TANC1: variants seen among roughly 807,000 people sequenced by gnomAD.
The protein encoded by TANC1 is tetratricopeptide repeat, ankyrin repeat and coiled-coil containing 1.
A neutral mutation model predicts 149.7 loss-of-function variants in TANC1; 77 were observed. That is an observed-to-expected ratio of 0.51 (90% CI 0.43 to 0.62). The LOEUF is 0.62. TANC1 is among the 20% of genes least tolerant of loss of function. The probability of loss-of-function intolerance (pLI) is 0.00; values close to 1 mark genes in which losing one functional copy is unlikely to be tolerated. For synonymous variants in TANC1, 854 were observed against 925.0 expected, an observed-to-expected ratio of 0.92 and a Z score of 1.39; for missense variants, 1,985 against 2,321.8, an observed-to-expected ratio of 0.85 and a Z score of 2.98.
At chr2:159,157,541 C>T (rs140180082) in intron 7 of TANC1, among the ~76,000 whole-genome samples, 60 of 152,288 alleles carry the variant, frequency 3.9e-4, no homozygotes, top group Non-Finnish European at 5.0e-4. Context: ...GACTTCTGCG[C>T]GCGTTGCCTT....
chr2:159,004,182 C>G, intron 2 of TANC1: 1 of 1,612,634 alleles, frequency 6.2e-7, no homozygotes, highest in Non-Finnish European at 8.5e-7. Context: ...TTTAACAAGC[C>G]TTAGGAAGTT....
At chr2:159,025,976 C>A (rs1052372560) in intron 2 of TANC1, among the ~76,000 whole-genome samples, 1 of 152,150 alleles carries the variant, frequency 6.6e-6, no homozygotes, top group Non-Finnish European at 1.5e-5. Flanking sequence ...ACTCTATCGC[C>A]CAGGCTGGAG....
intron 3 of TANC1, among the ~76,000 whole-genome samples, chr2:159,066,868 A>G (rs1167696041): frequency 6.6e-6 from 1 of 152,236 alleles, no homozygotes; most frequent in Non-Finnish European, 1.5e-5. Context: ...TTCTAGGATT[A>G]TTTTGGTGAA....
At chr2:159,025,697 C>T (rs79830363) in intron 2 of TANC1, among the ~76,000 whole-genome samples, 1 of 152,008 alleles carries the variant, frequency 6.6e-6, no homozygotes, top group Non-Finnish European at 1.5e-5. Flanking sequence ...TACTATAATA[C>T]CATATTTTTA....
chr2:159,137,348 T>C (rs1203960177), intron 5 of TANC1, among the ~76,000 whole-genome samples: 1 of 152,042 alleles, frequency 6.6e-6, no homozygotes, highest in Non-Finnish European at 1.5e-5. Context: ...CAGCAAAAGC[T>C]GAAAACTGGG....
chr2:159,037,309 G>A (rs1266173452), intron 2 of TANC1, among the ~76,000 whole-genome samples: 8 of 152,142 alleles, frequency 5.3e-5, no homozygotes, highest in Admixed American at 5.2e-4. Flanking sequence ...CATTCTGTAG[G>A]TTGCCAGTTC....
At chr2:159,089,287 C>T (rs2045288274) in intron 3 of TANC1, among the ~76,000 whole-genome samples, 1 of 152,082 alleles carries the variant, frequency 6.6e-6, no homozygotes, top group South Asian at 2.1e-4. Flanking sequence ...TTTTTTTGCA[C>T]TTGTGAGTTT....
chr2:159,042,284 A>G (rs1343661054), intron 2 of TANC1, among the ~76,000 whole-genome samples: 1 of 152,206 alleles, frequency 6.6e-6, no homozygotes, highest in Admixed American at 6.5e-5. Flanking sequence ...GTGACTGCAC[A>G]TGATCCCGTT....
Position 159,168,801 on chromosome 2 carries a change from C to T in TANC1, c.947-449C>T, listed in dbSNP as rs554265039. ...GAGCCAACTTTTAGTGTTCTCGGTG[C>T]TGTGGAATTGTACACATAGAATCTG... On this transcript the variant is annotated intron_variant, in intron 8 of 26. Transcript: ENST00000263635. Among the ~76,000 whole-genome samples, 106 of 152,090 alleles carry T rather than the reference C, an allele frequency of 7.0e-4. 1 individual carries two copies. Among genetic ancestry groups the T allele is most frequent in the African/African-American group, 2.5e-3 (104 of 41,470 alleles).
chr2:159,022,745 T>C (rs1198262043), intron 2 of TANC1, among the ~76,000 whole-genome samples: 1 of 151,604 alleles, frequency 6.6e-6, no homozygotes, highest in Non-Finnish European at 1.5e-5. Context: ...TTTTGAAAAA[T>C]AACATAAAAA....
In TANC1 at chr2:159,172,184, C is replaced by G; in HGVS notation, c.1415C>G (p.Ala472Gly). The G allele has an allele frequency of 1.2e-6, 2 of 1,614,238 alleles. No individual in the cohort carries two copies. The highest frequency in any genetic ancestry group is 1.7e-6 in the Non-Finnish European group (2 of 1,180,036). The stretch of plus-strand genomic sequence containing the variant: ...CTTTCACCGAGTTCTTCCACAAGTG[C>G]TTCCAGCACAGCTAAAACACCTCTT... ...PLLSPSSSTS[A>G]SSTAKTPLGS... Residue 472 changes from alanine to glycine, a missense_variant, in exon 11 of 27, where the codon GCT becomes GGT. Physicochemically the swap from Ala to Gly is moderately conservative, Grantham distance 60. Transcript: ENST00000263635.
intron 15 of TANC1, among the ~76,000 whole-genome samples, chr2:159,186,267 G>T (rs1009631146): frequency 1.3e-5 from 2 of 151,920 alleles, no homozygotes; most frequent in Admixed American, 1.3e-4. Flanking sequence ...GTGTGATTTT[G>T]TACCACCTGG....
At chr2:159,057,612 T>C (rs558668978) in intron 2 of TANC1, among the ~76,000 whole-genome samples, 2 of 152,348 alleles carry the variant, frequency 1.3e-5, no homozygotes, top group African/African-American at 4.8e-5. Context: ...TAACAGTCTG[T>C]TTTTAGGTAC....
At chr2:158,988,551 TC>T (rs928543917) in intron 1 of TANC1, among the ~76,000 whole-genome samples, 8 of 152,130 alleles carry the variant, frequency 5.3e-5, no homozygotes, top group African/African-American at 1.7e-4. Context: ...CGTTACTACT[TC>T]CTGTTGCAAT....
intron 5 of TANC1, among the ~76,000 whole-genome samples, chr2:159,145,668 G>C (rs1308390026): frequency 2.0e-5 from 3 of 152,194 alleles, no homozygotes; most frequent in Admixed American, 1.3e-4. Flanking sequence ...TGGTCCACAA[G>C]GGGGTGAGAA....
At chr2:159,107,302 C>G (rs938181803) in intron 4 of TANC1, among the ~76,000 whole-genome samples, 2 of 152,162 alleles carry the variant, frequency 1.3e-5, no homozygotes, top group African/African-American at 4.8e-5. Flanking sequence ...GCTGGGATTA[C>G]AGGCGTGAGC....
rs141339364 is a variant in TANC1, at chr2:159,065,702, T to C, written c.-15-194T>C. Among the ~76,000 whole-genome samples the C allele has an allele frequency of 2.2e-3, 328 of 152,160 alleles. 2 individuals carry two copies. The highest frequency in any genetic ancestry group is 7.2e-3 in the African/African-American group (301 of 41,542). On this transcript the variant is annotated intron_variant, in intron 2 of 26. Transcript: ENST00000263635. ...CTTCTGAGCACTTCATTAAAAGTTA[T>C]AGAACATTCCTTGTGTCTTCAGCAT...
At chr2:159,040,174 C>T (rs1292021044) in intron 2 of TANC1, among the ~76,000 whole-genome samples, 5 of 151,638 alleles carry the variant, frequency 3.3e-5, no homozygotes, top group Non-Finnish European at 7.4e-5. Flanking sequence ...GGATTGCAAC[C>T]CCTGCTTTTT....
intron 3 of TANC1, among the ~76,000 whole-genome samples, chr2:159,069,765 CTTTTTTTTTTTT>C (rs67843631): frequency 9.1e-6 from 1 of 109,366 alleles, no homozygotes; most frequent in Non-Finnish European, 1.8e-5. Flanking sequence ...TATGTGCAAG[CTTTTTTTTTTTT>C]TTTTTTTTTG....
Sources: gnomAD v4.1 joint callset for allele counts (sites outside exome capture counted in the v4.1 genomes callset) on GRCh38, gnomAD v4.1.1 for gene constraint, MANE v1.5 for transcripts, NCBI Gene and HGNC (gene_info 2026-07-23, HGNC 2026-07-21) for gene names.